DLC1: variants seen among roughly 807,000 people sequenced by gnomAD.
DLC1 encodes DLC1 Rho GTPase activating protein.
In DLC1, 54 loss-of-function variants were observed where a neutral mutation model predicts 140.3. That is an observed-to-expected ratio of 0.38 (90% CI 0.31 to 0.48). DLC1 has a LOEUF of 0.48. Among genes scored for constraint, DLC1 ranks in the 20% least tolerant of loss-of-function variants. The probability of loss-of-function intolerance (pLI) is 0.96; values close to 1 mark genes in which losing one functional copy is unlikely to be tolerated. For missense variants in DLC1, 2,536 were observed against 1,907.0 expected, an observed-to-expected ratio of 1.33 and a Z score of -6.14; for synonymous variants, 986 against 728.1, an observed-to-expected ratio of 1.35 and a Z score of -5.70.
chr8:13,364,262 A>C (rs375302823), intron 4 of DLC1, among the ~76,000 whole-genome samples: 1 of 151,744 alleles, frequency 6.6e-6, no homozygotes, highest in South Asian at 2.1e-4. Context: ...TTCGTAGTTA[A>C]AGCTATTTTT....
intron 4 of DLC1, among the ~76,000 whole-genome samples, chr8:13,335,640 C>G (rs562311854): frequency 1.3e-5 from 2 of 152,196 alleles, no homozygotes; most frequent in South Asian, 2.1e-4. Flanking sequence ...AAACCCCTGT[C>G]CTTCATAAGA....
intron 2 of DLC1, among the ~76,000 whole-genome samples, chr8:13,409,435 A>G (rs1837695011): frequency 6.6e-6 from 1 of 152,200 alleles, no homozygotes. Flanking sequence ...TTAGCAAATA[A>G]AACGATAGGA....
At chr8:13,208,737 TACAC>T (rs1365174199) in intron 5 of DLC1, among the ~76,000 whole-genome samples, 8 of 104,530 alleles carry the variant, frequency 7.7e-5, no homozygotes, top group African/African-American at 3.0e-4. Context: ...CACACACACA[TACAC>T]ACAGACACAC....
At chr8:13,137,035 C>T (rs1233883676) in intron 5 of DLC1, among the ~76,000 whole-genome samples, 2 of 152,180 alleles carry the variant, frequency 1.3e-5, no homozygotes, top group Non-Finnish European at 2.9e-5. Context: ...AGAACTAAAA[C>T]ATGAAATCCT....
intron 1 of DLC1, among the ~76,000 whole-genome samples, chr8:13,521,847 G>C (rs1290216994): frequency 1.3e-5 from 2 of 152,134 alleles, no homozygotes; most frequent in African/African-American, 4.8e-5. Context: ...AAGTGAAAAT[G>C]CTTCATATCC....
At chr8:13,409,760 T>G (rs1325575355) in intron 2 of DLC1, among the ~76,000 whole-genome samples, 1 of 152,206 alleles carries the variant, frequency 6.6e-6, no homozygotes, top group African/African-American at 2.4e-5. Context: ...TGTCTCTTTA[T>G]GTTTAATTTT....
chr8:13,582,048 A>T (rs1805119191), intron 1 of DLC1, among the ~76,000 whole-genome samples: 1 of 152,272 alleles, frequency 6.6e-6, no homozygotes, highest in African/African-American at 2.4e-5. Flanking sequence ...AAGAGAAGGG[A>T]TTGGAGAAAA....
chr8:13,359,164 C>A lies in DLC1; in HGVS notation c.1314+34389G>T, dbSNP rs550337239. Among the ~76,000 whole-genome samples, 3 of 152,312 alleles carry A rather than the reference C, an allele frequency of 2.0e-5. No homozygotes were observed. The South Asian group carries it at 6.2e-4, about 32-fold the overall frequency. On this transcript the variant is annotated intron_variant, in intron 4 of 17. Coordinates refer to ENST00000276297, the MANE Select transcript of DLC1 (RefSeq NM_182643.3). The stretch of plus-strand genomic sequence containing the variant: ...CCGTGTTAGCCAGGATGGTCTCGAT[C>A]TCCTGACCTCGTGATCCAGTGCCTC...
intron 1 of DLC1, among the ~76,000 whole-genome samples, chr8:13,587,597 C>G (rs530461717): frequency 6.5e-4 from 44 of 67,416 alleles, no homozygotes; most frequent in African/African-American, 2.4e-3. Flanking sequence ...TATATATATA[C>G]ATTGCATATA....
At chr8:13,185,288 T>TTTTG (rs555796835) in intron 5 of DLC1, among the ~76,000 whole-genome samples, 1,480 of 144,448 alleles carry the variant, frequency 0.01, 31 homozygotes, top group African/African-American at 0.034. Flanking sequence ...TTTCTGTTTT[T>TTTTG]TTTGTTTGTT....
chr8:13,440,674 C>T (rs1798465873), intron 2 of DLC1, among the ~76,000 whole-genome samples: 3 of 152,054 alleles, frequency 2.0e-5, no homozygotes, highest in African/African-American at 7.2e-5. Context: ...CCAGAACTCC[C>T]ATGTATGGAG....
intron 1 of DLC1, among the ~76,000 whole-genome samples, chr8:13,590,000 G>A (rs921094403): frequency 2.7e-5 from 4 of 150,502 alleles, no homozygotes; most frequent in South Asian, 2.1e-4. Flanking sequence ...TTTCAACAGC[G>A]AACATGCATT....
chr8:13,506,581 G>GTGTGTA (rs1246764417), intron 1 of DLC1, among the ~76,000 whole-genome samples: 195 of 131,132 alleles, frequency 1.5e-3, no homozygotes, highest in African/African-American at 5.7e-3. Flanking sequence ...GTGTGTGTGT[G>GTGTGTA]TATATATATA....
At chr8:13,404,365 G>T (rs559105566) in intron 2 of DLC1, among the ~76,000 whole-genome samples, 5 of 152,098 alleles carry the variant, frequency 3.3e-5, no homozygotes, top group African/African-American at 1.2e-4. Flanking sequence ...GAAGAAATGT[G>T]CATAATTGGC....
At chr8:13,597,525 G>T (rs924072885) in intron 1 of DLC1, among the ~76,000 whole-genome samples, 2 of 151,968 alleles carry the variant, frequency 1.3e-5, no homozygotes, top group African/African-American at 4.8e-5. Context: ...TTACCCTTTT[G>T]AGTTAAATTA....
At chr8:13,457,853 T>C (rs1799482441) in intron 2 of DLC1, among the ~76,000 whole-genome samples, 1 of 152,062 alleles carries the variant, frequency 6.6e-6, no homozygotes, top group Admixed American at 6.6e-5. Flanking sequence ...ATGAATTTCT[T>C]AAACCTTTAC....
chr8:13,376,295 G>A (rs547482767), intron 4 of DLC1, among the ~76,000 whole-genome samples: 19 of 152,202 alleles, frequency 1.2e-4, no homozygotes, highest in Admixed American at 3.9e-4. Context: ...GAAAAACAGC[G>A]GGGTGCTGCA....
chr8:13,357,819 T>C (rs1835021480), intron 4 of DLC1, among the ~76,000 whole-genome samples: 1 of 152,192 alleles, frequency 6.6e-6, no homozygotes, highest in Admixed American at 6.5e-5. Flanking sequence ...TGTGTGAATA[T>C]CCAGAATTAC....
At chr8:13,591,209 C>T (rs901527794) in intron 1 of DLC1, among the ~76,000 whole-genome samples, 1 of 152,024 alleles carries the variant, frequency 6.6e-6, no homozygotes, top group Non-Finnish European at 1.5e-5. Flanking sequence ...ATGATTATCA[C>T]ACTCATTTTT....
Sources: allele counts gnomAD v4.1 joint callset (sites outside exome capture counted in the v4.1 genomes callset), GRCh38; gene constraint gnomAD v4.1.1; transcripts MANE v1.5; gene names NCBI Gene and HGNC (gene_info 2026-07-23, HGNC 2026-07-21).